Variants in ABL2 observed in about 807,000 individuals in gnomAD.
ABL2 encodes ABL proto-oncogene 2, non-receptor tyrosine kinase.
In ABL2, 49 loss-of-function variants were observed where a neutral mutation model predicts 107.7. That is an observed-to-expected ratio of 0.45 (90% confidence interval 0.36 to 0.58). ABL2 has a LOEUF of 0.58. Among genes scored for constraint, ABL2 ranks in the 20% least tolerant of loss-of-function variants. The probability of loss-of-function intolerance (pLI) is 0.00; values close to 1 mark genes in which losing one functional copy is unlikely to be tolerated. For synonymous variants in ABL2, 549 were observed against 548.6 expected, an observed-to-expected ratio of 1.00 and a Z score of -0.01; for missense variants, 1,245 against 1,457.0, an observed-to-expected ratio of 0.85 and a Z score of 2.37.
chr1:179,206,661 G>A (rs547339359), intron 1 of ABL2, among the ~76,000 whole-genome samples: 4 of 152,216 alleles, frequency 2.6e-5, no homozygotes, highest in East Asian at 1.9e-4. Context: ...TATATACAAC[G>A]AACTGGTGAT....
In ABL2 at chr1:179,121,688, G is replaced by A; in HGVS notation, c.867C>T (p.Thr289=). ...GACCGCCCCCAAGTTTGTGCTTCAT[G>A]GTAATATCTGTTCGCTCCATTTCCC... ...DKWEMERTDI[T]MKHKLGGGQY... is the part of the protein sequence containing the mutation. The change falls in exon 5 of 12, where the codon ACC becomes ACT. Residue 289 remains threonine (T), a synonymous_variant. Coordinates refer to ENST00000502732, the MANE Select transcript of ABL2 (RefSeq NM_007314.4). 1 of 1,614,108 alleles carries A rather than the reference G, an allele frequency of 6.2e-7. No homozygotes were observed. The highest frequency in any genetic ancestry group is 2.2e-5 in the East Asian group (1 of 44,880).
At chr1:179,167,398 T>A (rs1161829533) in intron 1 of ABL2, among the ~76,000 whole-genome samples, 1 of 151,480 alleles carries the variant, frequency 6.6e-6, no homozygotes, top group Non-Finnish European at 1.5e-5. Flanking sequence ...CTGAAAAGAG[T>A]GGGAGGTGGG....
Position 179,121,746 on chromosome 1 carries a change from G to A in ABL2, c.809C>T (p.Thr270Ile). 6.2e-7 allele frequency: 1 copy of A among 1,614,060 alleles called. No individual in the cohort carries two copies. Among genetic ancestry groups the A allele is most frequent in the South Asian group, 1.1e-5 (1 of 91,068 alleles). Residue 270 changes from threonine to isoleucine, a missense_variant, in exon 5 of 12, where the codon ACA becomes ATA. Thr to Ile is a moderately conservative substitution (Grantham distance 89). Transcript: ENST00000502732. The part of the protein sequence containing the change: ...HYPAPKCNKP[T>I]VYGVSPIHDK... ...GTGGATGGGGGACACACCATAGACT[G>A]TAGGCTTATTACACTTGGGTGCTGG...
chr1:179,128,949 T>C (rs11583272), intron 3 of ABL2, among the ~76,000 whole-genome samples: 1 of 151,834 alleles, frequency 6.6e-6, no homozygotes, highest in African/African-American at 2.4e-5. Flanking sequence ...CCTCCCAAAG[T>C]GCTGAGAATA....
Position 179,131,366 on chromosome 1 carries a change from G to C in ABL2, c.336C>G (p.Phe112Leu), listed in dbSNP as rs200298102. The change falls in exon 3 of 12, where the codon TTC becomes TTG. Residue 112 changes from phenylalanine (F) to leucine (L), a missense_variant. By Grantham distance (22) the Phe-to-Leu change is conservative. Transcript: ENST00000502732. ...LGATESDPNLFVALYDFVASG... is the reference protein window; with the variant it reads ...LGATESDPNLLVALYDFVASG... The stretch of plus-strand genomic sequence containing the variant: ...TTGCTACAAAATCATAAAGTGCAAC[G>C]AAGAGATTAGGGTCACTCTCAGTGG... The C allele has an allele frequency of 1.3e-5, 21 of 1,614,162 alleles. No individual in the cohort carries two copies. The highest frequency in any genetic ancestry group is 1.7e-5 in the Non-Finnish European group (20 of 1,180,034).
intron 1 of ABL2, among the ~76,000 whole-genome samples, chr1:179,206,308 T>C (rs917614883): frequency 3.3e-5 from 5 of 152,174 alleles, no homozygotes; most frequent in African/African-American, 1.2e-4. Flanking sequence ...ATTCAACACA[T>C]GGTTATTCTG....
At chr1:179,152,557 T>C (rs1658423972) in intron 1 of ABL2, among the ~76,000 whole-genome samples, 2 of 152,202 alleles carry the variant, frequency 1.3e-5, no homozygotes, top group South Asian at 4.1e-4. Flanking sequence ...TGCATGTGCA[T>C]GTGTGCGTTT....
chr1:179,133,789 T>C (rs1376645240), intron 1 of ABL2, among the ~76,000 whole-genome samples: 3 of 152,236 alleles, frequency 2.0e-5, no homozygotes, highest in Non-Finnish European at 4.4e-5. Context: ...ATAACCATGA[T>C]ACAATTTAAT....
At chr1:179,203,486 C>G (rs1264492508) in intron 1 of ABL2, among the ~76,000 whole-genome samples, 1 of 151,960 alleles carries the variant, frequency 6.6e-6, no homozygotes, top group African/African-American at 2.4e-5. Flanking sequence ...CCCTCATTTT[C>G]AAGTATTATT....
At position 179,108,091 on chromosome 1, in the gene ABL2, G is replaced by T. The variant is rs768782792; in HGVS notation, c.3176C>A (p.Ala1059Asp). Residue 1059 changes from alanine to aspartate, a missense_variant, in exon 12 of 12, where the codon GCC becomes GAC. Physicochemically the swap from Ala to Asp is moderately radical, Grantham distance 126. Around this residue, in one of 3 missense-constraint regions of ABL2, gnomAD observed 761 missense variants for 766.4 expected, o/e 0.99. Transcript: ENST00000502732. The part of the protein sequence containing the change: ...PTSSISPAKM[A>D]NGTAGTKVAL... ...CACTTTAGTACCTGCTGTGCCATTG[G>T]CCATTTTGGCTGGCGAGATGGAAGA... 1 of 1,614,102 alleles carries T rather than the reference G, an allele frequency of 6.2e-7. No homozygotes were observed. The highest frequency in any genetic ancestry group is 8.5e-7 in the Non-Finnish European group (1 of 1,180,048).
At chr1:179,143,946 T>C (rs1657810434) in intron 1 of ABL2, among the ~76,000 whole-genome samples, 1 of 152,024 alleles carries the variant, frequency 6.6e-6, no homozygotes, top group African/African-American at 2.4e-5. Flanking sequence ...TCCACCTGCC[T>C]CAGCCTCCCA....
chr1:179,224,134 CAAAAAAAA>C (rs1181284107), intron 1 of ABL2, among the ~76,000 whole-genome samples: 2 of 34,512 alleles, frequency 5.8e-5, no homozygotes, highest in Non-Finnish European at 9.2e-5. Context: ...CTACTCACTA[CAAAAAAAA>C]AAAAAAAAAA....
chr1:179,227,569 A>G (rs980399648), intron 1 of ABL2, among the ~76,000 whole-genome samples: 16 of 152,192 alleles, frequency 1.1e-4, no homozygotes, highest in Non-Finnish European at 2.2e-4. Context: ...ACCATTGCCT[A>G]CTAGGCCAAG....
At chr1:179,124,463 G>GTTT (rs1462541075) in intron 4 of ABL2, among the ~76,000 whole-genome samples, 1 of 39,470 alleles carries the variant, frequency 2.5e-5, no homozygotes. Context: ...ATTAGCTTCT[G>GTTT]CTTTTTTTTT....
At chr1:179,143,004 C>T in intron 1 of ABL2, 1 of 1,614,196 alleles carries the variant, frequency 6.2e-7, no homozygotes, top group Non-Finnish European at 8.5e-7. Context: ...CTGATCTCTG[C>T]CATAACTATT....
Position 179,135,187 on chromosome 1 carries a change from G to A in ABL2, c.158-1813C>T, listed in dbSNP as rs560161285. 4.8e-3 allele frequency among the ~76,000 whole-genome samples: 729 copies of A among 152,088 alleles called. 7 individuals are homozygous for A. Among genetic ancestry groups the A allele is most frequent in the African/African-American group, 0.017 (689 of 41,494 alleles). The stretch of plus-strand genomic sequence containing the variant: ...AAGTGAGGAGCATCTCCGCCTGGCC[G>A]CCCATCGTCTGGGATGTGAGGAGCC... On this transcript the variant is annotated intron_variant, in intron 1 of 11. Coordinates refer to ENST00000502732, the MANE Select transcript of ABL2 (RefSeq NM_007314.4).
chr1:179,222,942 C>T (rs1402611285), intron 1 of ABL2, among the ~76,000 whole-genome samples: 1 of 151,684 alleles, frequency 6.6e-6, no homozygotes, highest in Non-Finnish European at 1.5e-5. Flanking sequence ...GAATCCCCAT[C>T]TCTACTAAAA....
intron 2 of ABL2, among the ~76,000 whole-genome samples, chr1:179,132,334 G>A (rs1486259645): frequency 6.6e-6 from 1 of 152,056 alleles, no homozygotes; most frequent in Non-Finnish European, 1.5e-5. Flanking sequence ...CATAGCACAG[G>A]TGATCCCTAT....
intron 1 of ABL2, among the ~76,000 whole-genome samples, chr1:179,225,122 T>A (rs1663120030): frequency 1.3e-5 from 2 of 152,224 alleles, no homozygotes; most frequent in South Asian, 4.1e-4. Flanking sequence ...ATGGCTCTAT[T>A]ATTTTTGTTC....
Sources: allele counts gnomAD v4.1 joint callset (sites outside exome capture counted in the v4.1 genomes callset), GRCh38; gene constraint gnomAD v4.1.1; regional missense constraint gnomAD v4.1.1; transcripts MANE v1.5; gene names NCBI Gene and HGNC (gene_info 2026-07-23, HGNC 2026-07-21).